C1orf105: variants seen among roughly 807,000 people sequenced by gnomAD.
C1orf105 encodes uncharacterized protein C1orf105.
In C1orf105, 17 loss-of-function variants were observed where a neutral mutation model predicts 20.8. That is an observed-to-expected ratio of 0.82 (90% CI 0.56 to 1.23). The LOEUF (loss-of-function observed/expected upper bound fraction) is 1.23. Ranked by LOEUF, C1orf105 falls within the 50% of genes most tolerant of loss-of-function variation. C1orf105 has a pLI of 0.00. For missense variants in C1orf105, 219 were observed against 213.5 expected, an observed-to-expected ratio of 1.03 and a Z score of -0.16; for synonymous variants, 72 against 72.1, an observed-to-expected ratio of 1.00 and a Z score of 0.01.
intron 6 of C1orf105, among the ~76,000 whole-genome samples, chr1:172,467,541 T>C (rs1016354414): frequency 6.6e-6 from 1 of 152,268 alleles, no homozygotes; most frequent in South Asian, 2.1e-4. Context: ...CCACCTGGCA[T>C]GGTGGTATGA....
chr1:172,448,409 G>C, intron 2 of C1orf105, 32 bp from the exon 3 acceptor site: 1 of 1,428,328 alleles, frequency 7.0e-7, no homozygotes, highest in South Asian at 1.2e-5. Flanking sequence ...ATGGGACTGC[G>C]GTTCTAACGT....
Position 172,449,326 on chromosome 1 carries a change from C to T in C1orf105, c.198+795C>T, listed in dbSNP as rs116028430. ...CAGGACAGGGACACAACTGAGAATGCGTCTCAGAAACAGGGCACAGCACTT... is the reference window on the plus strand; with the variant it reads ...CAGGACAGGGACACAACTGAGAATGTGTCTCAGAAACAGGGCACAGCACTT... On this transcript the variant is annotated intron_variant, in intron 3 of 6. Transcript: ENST00000367727. Among the ~76,000 whole-genome samples the T allele has an allele frequency of 9.5e-3, 1,444 of 152,176 alleles. 33 individuals carry two copies. Among genetic ancestry groups the T allele is most frequent in the African/African-American group, 0.033 (1,368 of 41,534 alleles).
At chr1:172,428,426 CT>C (rs2071778465) in intron 1 of C1orf105, among the ~76,000 whole-genome samples, 2 of 152,218 alleles carry the variant, frequency 1.3e-5, no homozygotes, top group Non-Finnish European at 2.9e-5. Context: ...CATAATCTAG[CT>C]TCCCACGTTA....
chr1:172,458,624 G>A (rs955360487), intron 4 of C1orf105, among the ~76,000 whole-genome samples: 3 of 152,056 alleles, frequency 2.0e-5, no homozygotes, highest in Non-Finnish European at 4.4e-5. Context: ...AATATACTCC[G>A]CCAAACTGAT....
intron 4 of C1orf105, among the ~76,000 whole-genome samples, chr1:172,459,068 A>G (rs1476845901): frequency 6.6e-6 from 1 of 152,200 alleles, no homozygotes; most frequent in Non-Finnish European, 1.5e-5. Flanking sequence ...AGCTAAATGT[A>G]AGACCTAAAA....
At chr1:172,427,694 G>A (rs577397517) in intron 1 of C1orf105, among the ~76,000 whole-genome samples, 1 of 152,260 alleles carries the variant, frequency 6.6e-6, no homozygotes, top group East Asian at 1.9e-4. Context: ...GACACATTCA[G>A]CACTTGGTTT....
chr1:172,443,162 G>A (rs1237482990), intron 1 of C1orf105: 2 of 168,332 alleles, frequency 1.2e-5, no homozygotes, highest in South Asian at 4.1e-4. Context: ...TTGCCCTAAG[G>A]TAACAGAGCA....
At chr1:172,435,450 T>A (rs1041006918) in intron 1 of C1orf105, among the ~76,000 whole-genome samples, 18 of 152,026 alleles carry the variant, frequency 1.2e-4, no homozygotes, top group Non-Finnish European at 2.2e-4. Flanking sequence ...CATACGCAAA[T>A]CAATAAACGT....
In C1orf105 at chr1:172,434,279, C is replaced by G. The variant is rs188654808; in HGVS notation, c.22-10794C>G. On this transcript the variant is annotated intron_variant, in intron 1 of 6. Transcript: ENST00000367727. Reference sequence around the variant, plus strand: ...TAATAGACATCTACAAAACTCTCCACCCCACATCAACAAAATATACATTCT... The same window carrying G: ...TAATAGACATCTACAAAACTCTCCAGCCCACATCAACAAAATATACATTCT... Among the ~76,000 whole-genome samples, 22 of 152,320 alleles carry G rather than the reference C, an allele frequency of 1.4e-4. No homozygotes were observed. The East Asian group carries it at 4.0e-3, about 28-fold the overall frequency.
intron 2 of C1orf105, 70 bp downstream of exon 2, chr1:172,445,228 A>G: frequency 8.1e-7 from 1 of 1,242,058 alleles, no homozygotes. Context: ...TTCTTAAGGG[A>G]TGGGGACAAT....
chr1:172,439,146 A>G (rs1344293795), intron 1 of C1orf105, among the ~76,000 whole-genome samples: 1 of 152,224 alleles, frequency 6.6e-6, no homozygotes, highest in Non-Finnish European at 1.5e-5. Context: ...GCCTGTATAT[A>G]GACAGATATT....
In C1orf105 at chr1:172,445,151, C is replaced by T; in HGVS notation, c.100C>T (p.Pro34Ser). ...LVNKPLVLSL[P>S]RRYPHTSATF... ...AAACAAGCCATTAGTGCTCAGCCTT[C>T]CCAGAAGGTAACCTCTCAGCCACCG... Residue 34 changes from proline (P) to serine (S), a missense_variant, in exon 2 of 7, where the codon CCC becomes TCC. Coordinates refer to ENST00000367727, the MANE Select transcript of C1orf105 (RefSeq NM_139240.4). The T allele has an allele frequency of 6.2e-7, 1 of 1,610,778 alleles. No individual in the cohort carries two copies. Among genetic ancestry groups the T allele is most frequent in the Non-Finnish European group, 8.5e-7 (1 of 1,178,626 alleles).
At chr1:172,421,919 A>G (rs1413197087) in intron 1 of C1orf105, among the ~76,000 whole-genome samples, 1 of 152,160 alleles carries the variant, frequency 6.6e-6, no homozygotes, top group Non-Finnish European at 1.5e-5. Flanking sequence ...GCTGTTGCCA[A>G]TGGAGGGACC....
chr1:172,449,200 G>T (rs1648337470), intron 3 of C1orf105, among the ~76,000 whole-genome samples: 1 of 152,140 alleles, frequency 6.6e-6, no homozygotes, highest in Non-Finnish European at 1.5e-5. Flanking sequence ...ATTATTAGGA[G>T]CCCTGGTGTC....
intron 4 of C1orf105, among the ~76,000 whole-genome samples, chr1:172,457,186 C>T (rs141660698): frequency 1.3e-5 from 2 of 152,148 alleles, no homozygotes; most frequent in Non-Finnish European, 2.9e-5. Flanking sequence ...TTAGAGTTAG[C>T]GCTGGGATGG....
Position 172,458,524 on chromosome 1 carries a change from T to A in C1orf105, c.273+2035T>A, listed in dbSNP as rs56366630. 9.0e-3 allele frequency among the ~76,000 whole-genome samples: 1,366 copies of A among 152,260 alleles called. 27 individuals carry two copies. The highest frequency in any genetic ancestry group is 0.031 in the African/African-American group (1,283 of 41,548). On this transcript the variant is annotated intron_variant, in intron 4 of 6. Transcript: ENST00000367727. The stretch of plus-strand genomic sequence containing the variant: ...CACAAGAGCTATACAATGAAAAGTA[T>A]AAAACATTGTGGAAAGAAAATTTAA...
intron 3 of C1orf105, among the ~76,000 whole-genome samples, chr1:172,455,251 G>C (rs1649113623): frequency 6.6e-6 from 1 of 152,126 alleles, no homozygotes; most frequent in African/African-American, 2.4e-5. Flanking sequence ...GTCTCTCACA[G>C]GATGAAGCTA....
rs767066793 is a variant in C1orf105, at chr1:172,453,230, A to G, written c.199-3185A>G. ...GATCAAAGATTGCTTTTTACCTTTA[A>G]ATGTAAAGTGTAAAGGGACAGGATT... On this transcript the variant is annotated intron_variant, in intron 3 of 6. Transcript: ENST00000367727. 1.9e-6 allele frequency: 3 copies of G among 1,541,018 alleles called. No homozygotes were observed. In the South Asian group the frequency reaches 3.6e-5, roughly 18 times the overall value.
chr1:172,462,325 G>A (rs1462008414), intron 5 of C1orf105, 80 bp downstream of exon 5: 10 of 1,060,414 alleles, frequency 9.4e-6, no homozygotes, highest in Non-Finnish European at 1.4e-5. Flanking sequence ...GAGAAGCCTA[G>A]TAAGAGGAAT....
Sources: gnomAD v4.1 joint callset for allele counts (sites outside exome capture counted in the v4.1 genomes callset) on GRCh38, gnomAD v4.1.1 for gene constraint, MANE v1.5 for transcripts, NCBI Gene and HGNC (gene_info 2026-07-23, HGNC 2026-07-21) for gene names.